Variants in STK3 observed in about 807,000 individuals in gnomAD.
STK3 encodes the protein serine/threonine kinase 3.
In STK3, 41 loss-of-function variants were observed where a neutral mutation model predicts 58.0. The ratio of observed to expected loss-of-function variants is 0.71; its 90% CI spans 0.55 to 0.92. The LOEUF (loss-of-function observed/expected upper bound fraction) is 0.92. Ranked by LOEUF, STK3 falls within the 40% of genes least tolerant of loss-of-function variation. STK3 has a pLI of 0.00. For missense variants in STK3, 479 were observed against 602.7 expected (o/e 0.79, Z 2.15); for synonymous variants, 170 against 191.0 (o/e 0.89, Z 0.91).
intron 3 of STK3, among the ~76,000 whole-genome samples, chr8:98,405,193 G>A (rs1471046647): frequency 6.6e-6 from 1 of 152,154 alleles, no homozygotes; most frequent in Non-Finnish European, 1.5e-5. Flanking sequence ...TCCCCAGAAA[G>A]TCTACAAGTC....
At chr8:98,405,831 G>C (rs6468638) in intron 3 of STK3, among the ~76,000 whole-genome samples, 138,495 of 152,156 alleles carry the variant, frequency 0.91, 63,268 homozygotes, top group Admixed American at 0.95. Flanking sequence ...CAGGGGAACT[G>C]CTCTTTTTAA....
At chr8:98,764,994 T>C (rs1399425055) in intron 3 of STK3, among the ~76,000 whole-genome samples, 1 of 152,182 alleles carries the variant, frequency 6.6e-6, no homozygotes, top group African/African-American at 2.4e-5. Flanking sequence ...AGGAAGATAA[T>C]GGGTTGGAGG....
At chr8:98,607,340 T>A (rs1294645241) in intron 6 of STK3, among the ~76,000 whole-genome samples, 1 of 152,194 alleles carries the variant, frequency 6.6e-6, no homozygotes, top group East Asian at 1.9e-4. Flanking sequence ...CCTTTTTCTC[T>A]CAATTGACAT....
chr8:98,535,659 A>G (rs1052008310), intron 9 of STK3, among the ~76,000 whole-genome samples: 18 of 152,160 alleles, frequency 1.2e-4, no homozygotes, highest in African/African-American at 4.3e-4. Context: ...CACCCAAACC[A>G]TTATTGGAGT....
chr8:98,392,454 C>T (rs1448705566), upstream of STK3, among the ~76,000 whole-genome samples: 1 of 152,188 alleles, frequency 6.6e-6, no homozygotes, highest in Non-Finnish European at 1.5e-5. Flanking sequence ...GGGCTCCCCT[C>T]CCACCGAAAC....
chr8:98,844,039 C>G (rs1564056066), intron 3 of STK3, among the ~76,000 whole-genome samples: 1 of 152,204 alleles, frequency 6.6e-6, no homozygotes, highest in Non-Finnish European at 1.5e-5. Flanking sequence ...CACATTCGTC[C>G]TAGCTACTCA....
At chr8:98,781,445 A>G (rs989053737) in intron 1 of STK3, among the ~76,000 whole-genome samples, 21 of 151,982 alleles carry the variant, frequency 1.4e-4, no homozygotes, top group Non-Finnish European at 2.4e-4. Flanking sequence ...TCTTAAGGCG[A>G]AAAAAAATGA....
At chr8:98,420,471 A>G (rs931268881) in intron 3 of STK3, among the ~76,000 whole-genome samples, 1 of 152,246 alleles carries the variant, frequency 6.6e-6, no homozygotes, top group Non-Finnish European at 1.5e-5. Flanking sequence ...ATGTGTGTAT[A>G]GAAAAAAATT....
intron 4 of STK3, among the ~76,000 whole-genome samples, chr8:98,707,531 T>C (rs566682125): frequency 2.0e-5 from 3 of 152,140 alleles, no homozygotes; most frequent in Admixed American, 6.5e-5. Context: ...GCTTCCCGAG[T>C]AGCTAGAACT....
chr8:98,411,838 G>T (rs748042112), intron 3 of STK3, among the ~76,000 whole-genome samples: 1 of 152,198 alleles, frequency 6.6e-6, no homozygotes, highest in Non-Finnish European at 1.5e-5. Flanking sequence ...GACCAAGGGA[G>T]CTTCTCTCCC....
At position 98,728,216 on chromosome 8, in the gene STK3, C is replaced by A. The variant is rs145200190; in HGVS notation, c.352-20905G>T. On this transcript the variant is annotated intron_variant, in intron 4 of 10. Transcript: ENST00000419617. ...TCACAAATCTATTTCATTCCACCCC[C>A]CTAAAGAAGAGACTTGAAAATATAA... Among the ~76,000 whole-genome samples, 50 of 152,066 alleles carry A rather than the reference C, an allele frequency of 3.3e-4. 1 individual carries two copies. The highest frequency in any genetic ancestry group is 1.0e-3 in the African/African-American group (43 of 41,458).
At chr8:98,374,679 A>G (rs183944986) in intron 2 of STK3, among the ~76,000 whole-genome samples, 3 of 152,198 alleles carry the variant, frequency 2.0e-5, no homozygotes, top group Non-Finnish European at 4.4e-5. Context: ...CAAGGCTGCA[A>G]CTAAACCTTC....
intron 6 of STK3, among the ~76,000 whole-genome samples, chr8:98,649,694 T>G (rs780843393): frequency 2.0e-5 from 3 of 152,198 alleles, no homozygotes; most frequent in Non-Finnish European, 2.9e-5. Context: ...CATAATTTTC[T>G]TAGTCAACAA....
chr8:98,661,127 TA>T (rs1821935605), intron 6 of STK3, among the ~76,000 whole-genome samples: 1 of 151,418 alleles, frequency 6.6e-6, no homozygotes, highest in Non-Finnish European at 1.5e-5. Context: ...CTACCATAAG[TA>T]TAAATTACAA....
intron 8 of STK3, among the ~76,000 whole-genome samples, chr8:98,549,900 G>A (rs1235913640): frequency 6.6e-6 from 1 of 152,078 alleles, no homozygotes; most frequent in Non-Finnish European, 1.5e-5. Context: ...CTAGCTACTT[G>A]ATGGGCTGAG....
At chr8:98,412,375 A>G (rs1371776638) in intron 3 of STK3, among the ~76,000 whole-genome samples, 1 of 151,806 alleles carries the variant, frequency 6.6e-6, no homozygotes, top group African/African-American at 2.4e-5. Context: ...GCTGCATACC[A>G]CCCCTGAAAC....
chr8:98,731,722 CAAAAA>C (rs35275281), intron 4 of STK3, among the ~76,000 whole-genome samples: 2 of 102,554 alleles, frequency 2.0e-5, no homozygotes, highest in Non-Finnish European at 2.1e-5. Flanking sequence ...GACTCCGTCT[CAAAAA>C]AAAAAAAAAA....
intron 1 of STK3, among the ~76,000 whole-genome samples, chr8:98,813,081 C>T (rs139347778): frequency 1.3e-4 from 20 of 151,224 alleles, no homozygotes; most frequent in East Asian, 1.2e-3. Flanking sequence ...AAGATGCTGA[C>T]GACGTCAGAC....
At chr8:98,518,955 T>C (rs191989096) in intron 10 of STK3, among the ~76,000 whole-genome samples, 3 of 152,290 alleles carry the variant, frequency 2.0e-5, no homozygotes, top group Non-Finnish European at 4.4e-5. Context: ...TTTGGGATTT[T>C]GTGTGTTTAT....
Sources: allele counts gnomAD v4.1 joint callset (sites outside exome capture counted in the v4.1 genomes callset), GRCh38; gene constraint gnomAD v4.1.1; transcripts MANE v1.5; gene names NCBI Gene and HGNC (gene_info 2026-07-23, HGNC 2026-07-21).